The following CCAR1 variants were observed in gnomAD, a reference collection of about 807,000 sequenced individuals.
The protein encoded by CCAR1 is cell division cycle and apoptosis regulator 1, also known as cell division cycle and apoptosis regulator protein 1.
Under a neutral mutation model 163.8 loss-of-function variants are expected in CCAR1, and 78 were observed. The ratio of observed to expected loss-of-function variants is 0.48; its 90% CI spans 0.40 to 0.57. The LOEUF is 0.57. Among genes scored for constraint, CCAR1 ranks in the 20% least tolerant of loss-of-function variants. The probability of loss-of-function intolerance (pLI) is 0.00; values close to 1 mark genes in which losing one functional copy is unlikely to be tolerated. For synonymous variants in CCAR1, 443 were observed against 460.7 expected, an observed-to-expected ratio of 0.96 and a Z score of 0.49; for missense variants, 1,019 against 1,365.2, an observed-to-expected ratio of 0.75 and a Z score of 4.00.
At chr10:68,721,430 C>A (rs1306755460) in intron 1 of CCAR1, 148 bp downstream of exon 1, 1 of 304,726 alleles carries the variant, frequency 3.3e-6, no homozygotes, top group Admixed American at 4.9e-5. Flanking sequence ...GGGACTGGGA[C>A]GGGAGGGACG....
chr10:68,782,175 C>A (rs2056744548), intron 19 of CCAR1, among the ~76,000 whole-genome samples: 1 of 152,140 alleles, frequency 6.6e-6, no homozygotes, highest in Non-Finnish European at 1.5e-5. Context: ...CTGAACAAGG[C>A]CCTAACTCTC....
Position 68,749,181 on chromosome 10 carries a change from C to T in CCAR1, c.872C>T (p.Pro291Leu), listed in dbSNP as rs767229917. 1.9e-6 allele frequency: 3 copies of T among 1,613,594 alleles called. No individual in the cohort carries two copies. The highest frequency in any genetic ancestry group is 1.1e-5 in the South Asian group (1 of 91,020). Reference sequence around the variant, plus strand: ...GTTCGTATAGTTTCACAGCCACAACCGGCACGACGATTAGATCCCCCATCC... The same window carrying T: ...GTTCGTATAGTTTCACAGCCACAACTGGCACGACGATTAGATCCCCCATCC... ...PPVRIVSQPQ[P>L]ARRLDPPSRF... Residue 291 changes from proline (P) to leucine (L), a missense_variant, in exon 9 of 25, where the codon CCG (proline) becomes CTG (leucine). This residue lies in a region of CCAR1 where 644 missense variants were observed against 904.4 expected (regional missense o/e 0.71). Transcript: ENST00000265872.
intron 17 of CCAR1, among the ~76,000 whole-genome samples, chr10:68,767,873 T>C (rs1184500807): frequency 1.3e-5 from 2 of 152,248 alleles, no homozygotes; most frequent in African/African-American, 2.4e-5. Context: ...CTTTACAACA[T>C]GTTTGTTTTC....
chr10:68,744,192 C>G (rs1282521006), intron 6 of CCAR1, among the ~76,000 whole-genome samples: 1 of 152,132 alleles, frequency 6.6e-6, no homozygotes, highest in Non-Finnish European at 1.5e-5. Flanking sequence ...GCCAGTTTAG[C>G]TATAATTTTG....
chr10:68,736,985 T>C lies in CCAR1; in HGVS notation c.183T>C (p.Tyr61=). The change falls in exon 3 of 25, where the codon TAT becomes TAC. Residue 61 remains tyrosine (Y), a synonymous_variant. Coordinates refer to ENST00000265872, the MANE Select transcript of CCAR1 (RefSeq NM_018237.4). ...AGLTTQTPAN[Y]QLTQTAALQQ... is the part of the protein sequence containing the mutation. ...TTACCACACAAACTCCAGCAAACTA[T>C]CAGTTAACACAAACTGCTGCATTGC... 1.2e-6 allele frequency: 2 copies of C among 1,613,992 alleles called. No homozygotes were observed. The highest frequency in any genetic ancestry group is 1.7e-6 in the Non-Finnish European group (2 of 1,179,946).
At chr10:68,763,091 T>G (rs565268307) in intron 16 of CCAR1, among the ~76,000 whole-genome samples, 1 of 150,822 alleles carries the variant, frequency 6.6e-6, no homozygotes, top group African/African-American at 2.4e-5. Flanking sequence ...TGTTCTTAGG[T>G]GATGCATGGA....
intron 10 of CCAR1, among the ~76,000 whole-genome samples, chr10:68,752,998 CTGTT>C: frequency 6.6e-6 from 1 of 152,108 alleles, no homozygotes; most frequent in East Asian, 1.9e-4. Flanking sequence ...AGGTAATAGT[CTGTT>C]AACTGACAGG....
At chr10:68,746,502 C>T (rs2056257885) in intron 6 of CCAR1, among the ~76,000 whole-genome samples, 1 of 151,880 alleles carries the variant, frequency 6.6e-6, no homozygotes, top group Non-Finnish European at 1.5e-5. Context: ...AGTGATCTGC[C>T]CACCTTAGTC....
chr10:68,773,998 T>C (rs946135799), intron 19 of CCAR1, among the ~76,000 whole-genome samples: 1 of 151,898 alleles, frequency 6.6e-6, no homozygotes, highest in Admixed American at 6.6e-5. Context: ...GTTCAAGCGA[T>C]TCTCCTGCCT....
At chr10:68,746,785 C>T (rs1225543564) in intron 6 of CCAR1, among the ~76,000 whole-genome samples, 1 of 151,852 alleles carries the variant, frequency 6.6e-6, no homozygotes, top group African/African-American at 2.4e-5. Context: ...ACCATGTTGA[C>T]CAGGCTGGTC....
chr10:68,736,735 G>A (rs1406742855), intron 2 of CCAR1, 141 bp from the exon 3 acceptor site: 1 of 624,866 alleles, frequency 1.6e-6, no homozygotes, highest in African/African-American at 1.8e-5. Context: ...TGGACACTTA[G>A]GTTGATTCCA....
chr10:68,736,315 C>T (rs1490733295), intron 2 of CCAR1, among the ~76,000 whole-genome samples: 2 of 112,610 alleles, frequency 1.8e-5, no homozygotes, highest in South Asian at 7.0e-4. Context: ...AGCTATTTAA[C>T]GTGCATTACT....
chr10:68,774,523 G>T (rs1357870110), intron 19 of CCAR1, among the ~76,000 whole-genome samples: 2 of 151,748 alleles, frequency 1.3e-5, no homozygotes, highest in Non-Finnish European at 2.9e-5. Flanking sequence ...ACCAGCTTCT[G>T]GGGAGGCTGA....
At chr10:68,778,639 A>T (rs1482244723) in intron 19 of CCAR1, among the ~76,000 whole-genome samples, 1 of 152,164 alleles carries the variant, frequency 6.6e-6, no homozygotes, top group Non-Finnish European at 1.5e-5. Context: ...GTTATGTAAG[A>T]AAAAGAGATT....
intron 24 of CCAR1, 52 bp from the exon 25 acceptor site, chr10:68,791,155 C>T (rs1009831822): frequency 1.2e-4 from 127 of 1,088,458 alleles, no homozygotes; most frequent in Non-Finnish European, 1.6e-4. Flanking sequence ...ATCAAAGTAA[C>T]ATTTAAGATA....
chr10:68,763,115 T>A (rs1428074421), intron 16 of CCAR1, among the ~76,000 whole-genome samples: 1 of 152,136 alleles, frequency 6.6e-6, no homozygotes, highest in Non-Finnish European at 1.5e-5. Flanking sequence ...GTGATTTCTT[T>A]TTTTTTAATG....
At chr10:68,732,336 TTTTGTTTG>T (rs57833784) in intron 2 of CCAR1, among the ~76,000 whole-genome samples, 205 of 151,646 alleles carry the variant, frequency 1.4e-3, no homozygotes, top group South Asian at 3.3e-3. Context: ...ACCAGAACAG[TTTTGTTTG>T]TTTGTTTGTT....
At chr10:68,758,608 CGT>C (rs34609056) in intron 15 of CCAR1, among the ~76,000 whole-genome samples, 2 of 101,428 alleles carry the variant, frequency 2.0e-5, no homozygotes, top group East Asian at 3.1e-4. Context: ...CATATATATA[CGT>C]GTGTGTATAT....
chr10:68,786,828 T>C lies in CCAR1; in HGVS notation c.2880+136T>C, dbSNP rs893297253. On this transcript the variant is annotated intron_variant, in intron 21 of 24. Coordinates refer to ENST00000265872, the MANE Select transcript of CCAR1 (RefSeq NM_018237.4). ...GGCCAGGCGTGGTGGCTCACACCTA[T>C]AATCCCAGCAGGTTGGGAGGCTGAG... The C allele has an allele frequency of 3.7e-5, 25 of 677,194 alleles. 1 individual carries two copies. The African/African-American group carries it at 4.0e-4, about 11-fold the overall frequency. The allele number at this position is 677,194 out of a possible 1,614,324, so 41.9% of individuals were successfully genotyped here.
Sources: gnomAD v4.1 joint callset for allele counts (sites outside exome capture counted in the v4.1 genomes callset) on GRCh38, gnomAD v4.1.1 for gene constraint, gnomAD v4.1.1 regional missense constraint, MANE v1.5 for transcripts, NCBI Gene and HGNC (gene_info 2026-07-23, HGNC 2026-07-21) for gene names.